CLDN14: variants seen among roughly 807,000 people sequenced by gnomAD.
CLDN14 encodes the protein claudin 14, also known as claudin-14.
A neutral mutation model predicts 2.1 loss-of-function variants in CLDN14; 2 were observed. That is an observed-to-expected ratio of 0.96 (90% confidence interval 0.39 to 3.01). CLDN14 has a LOEUF of 3.01. CLDN14 is among the 30% of genes most tolerant of loss of function. The probability of loss-of-function intolerance (pLI) is 0.09; values close to 1 mark genes in which losing one functional copy is unlikely to be tolerated. For missense variants in CLDN14, 298 were observed against 328.0 expected (o/e 0.91, Z 0.71); for synonymous variants, 136 against 154.4 (o/e 0.88, Z 0.88).
At chr21:36,525,108 A>G (rs2087313722) in intron 1 of CLDN14, among the ~76,000 whole-genome samples, 1 of 152,218 alleles carries the variant, frequency 6.6e-6, no homozygotes, top group Non-Finnish European at 1.5e-5. Flanking sequence ...CACCTCAGCA[A>G]GCATGGCCAA....
At chr21:36,485,183 C>T (rs2086882745) in intron 2 of CLDN14, among the ~76,000 whole-genome samples, 1 of 151,342 alleles carries the variant, frequency 6.6e-6, no homozygotes, top group Non-Finnish European at 1.5e-5. Flanking sequence ...GCCACTATTT[C>T]TATGACTTGG....
rs1239976182 is a variant in CLDN14 at position 36,551,716 on chromosome 21, CT to C, written c.-220+24694del. Among the ~76,000 whole-genome samples, 2 of 152,128 alleles carry C rather than the reference CT, an allele frequency of 1.3e-5. No homozygotes were observed. Among genetic ancestry groups the C allele is most frequent in the Non-Finnish European group, 2.9e-5 (2 of 68,006 alleles). ...AAGTGCCATCTCTAGGTTAGCTGTG[CT>C]GTAGGATCACAGCAGGGGGACAAAT... On this transcript the variant is annotated intron_variant, in intron 1 of 2. Coordinates refer to the CLDN14 transcript ENST00000342108. The surrounding 1 kb of genome is among the most constrained non-coding windows in gnomAD (Gnocchi z 4.8).
At chr21:36,531,052 G>A (rs1336312396) in intron 1 of CLDN14, among the ~76,000 whole-genome samples, 2 of 151,958 alleles carry the variant, frequency 1.3e-5, no homozygotes, top group South Asian at 2.1e-4. Context: ...CCAACATGGT[G>A]AAACCCTGTC....
rs365416 is a variant in CLDN14, at chr21:36,551,143, T to G, written c.-220+25268A>C. Reference sequence around the variant, plus strand: ...GGAGCCTCCAGAAGGAACCAGCCCTTCCTACCCCGCAATTTCGGACTTCCT... The same window carrying G: ...GGAGCCTCCAGAAGGAACCAGCCCTGCCTACCCCGCAATTTCGGACTTCCT... On this transcript the variant is annotated intron_variant, in intron 1 of 2. Transcript: ENST00000342108. The surrounding 1 kb of genome is among the most constrained non-coding windows in gnomAD (Gnocchi z 4.8). 0.74 allele frequency among the ~76,000 whole-genome samples: 112,403 copies of G among 152,156 alleles called. 42,927 individuals carry two copies. The highest frequency in any genetic ancestry group is 0.85 in the Non-Finnish European group (57,980 of 68,002).
intron 1 of CLDN14, among the ~76,000 whole-genome samples, chr21:36,532,839 C>T (rs1031105651): frequency 6.6e-6 from 1 of 152,140 alleles, no homozygotes; most frequent in Admixed American, 6.5e-5. Flanking sequence ...CCTGACCCCC[C>T]ATCCCTTTAA....
chr21:36,483,555 C>T (rs1426604958), upstream of CLDN14, among the ~76,000 whole-genome samples: 5 of 152,192 alleles, frequency 3.3e-5, no homozygotes. Flanking sequence ...AGGAACCATG[C>T]GGTGAAGGAA....
rs1568838064 is a variant in CLDN14, at chr21:36,461,018, G to A, written c.678C>T (p.Thr226=). 3 of 1,613,408 alleles carry A rather than the reference G, an allele frequency of 1.9e-6. No individual in the cohort carries two copies. The highest frequency in any genetic ancestry group is 2.5e-6 in the Non-Finnish European group (3 of 1,179,988). The change falls in exon 2 of 2, where the codon ACC becomes ACT. Residue 226 remains threonine, a synonymous_variant. Transcript: ENST00000399135. ...GCCTGTACCCGCTGTGCGTGGCCGA[G>A]GTCACTGAGGGGGCCCGATTGTCTT... ...AYKDNRAPSV[T]SATHSGYRLN... is the part of the protein sequence containing the mutation.
chr21:36,572,290 G>A (rs893773316), intron 1 of CLDN14, among the ~76,000 whole-genome samples: 2 of 151,972 alleles, frequency 1.3e-5, no homozygotes, highest in African/African-American at 4.8e-5. Flanking sequence ...TGTGAACTGC[G>A]CGTGCTCCCC....
At chr21:36,510,679 A>G (rs1161684091) in intron 1 of CLDN14, among the ~76,000 whole-genome samples, 5 of 152,256 alleles carry the variant, frequency 3.3e-5, no homozygotes, top group Non-Finnish European at 7.3e-5. Context: ...TTTAATTACC[A>G]GTTAAAACAA....
In CLDN14 at chr21:36,461,366, G is replaced by A. The variant is rs2146410948; in HGVS notation, c.330C>T (p.Gly110=). Residue 110 remains glycine, a synonymous_variant, in exon 2 of 2, where the codon GGC becomes GGT. Transcript: ENST00000399135. ...TGGCAAAGGTGGTCTTGGCGGGTGT[G>A]CCCTTGGCGCAGCGCGTGCACTTCA... The part of the protein sequence containing the change: ...IGMKCTRCAK[G]TPAKTTFAIL... 1 of 1,613,036 alleles carries A rather than the reference G, an allele frequency of 6.2e-7. No individual in the cohort carries two copies. Among genetic ancestry groups the A allele is most frequent in the East Asian group, 2.2e-5 (1 of 44,876 alleles).
At chr21:36,465,402 G>C (rs989973626) in intron 1 of CLDN14, among the ~76,000 whole-genome samples, 1 of 152,196 alleles carries the variant, frequency 6.6e-6, no homozygotes, top group Non-Finnish European at 1.5e-5. Context: ...ATTTTTAAAC[G>C]TGTGCTATAA....
intron 2 of CLDN14, among the ~76,000 whole-genome samples, chr21:36,505,632 C>T (rs2087125981): frequency 1.3e-5 from 2 of 152,196 alleles, no homozygotes; most frequent in Non-Finnish European, 2.9e-5. Flanking sequence ...TTGCCACTCC[C>T]AGCAGTTCGC....
chr21:36,571,237 G>A (rs1288911664), intron 1 of CLDN14, among the ~76,000 whole-genome samples: 1 of 152,214 alleles, frequency 6.6e-6, no homozygotes, highest in Non-Finnish European at 1.5e-5. Context: ...AGAAACAACT[G>A]AAGTTGGAAA....
rs1171954933 is a variant in CLDN14 at position 36,548,057 on chromosome 21, T to A, written c.-220+28354A>T. Reference sequence around the variant, plus strand: ...GCCTCTCAACTCTGGCTCCCGGGCTTTTTGTCAGTCCCTTGGATTCACTGC... The same window carrying A: ...GCCTCTCAACTCTGGCTCCCGGGCTATTTGTCAGTCCCTTGGATTCACTGC... On this transcript the variant is annotated intron_variant, in intron 1 of 2. Transcript: ENST00000342108. Among the ~76,000 whole-genome samples the A allele has an allele frequency of 2.6e-5, 4 of 152,000 alleles. No homozygotes were observed. In the East Asian group the frequency reaches 5.8e-4, roughly 22 times the overall value.
At chr21:36,549,745 A>C (rs2087550750) in intron 1 of CLDN14, among the ~76,000 whole-genome samples, 1 of 152,172 alleles carries the variant, frequency 6.6e-6, no homozygotes, top group South Asian at 2.1e-4. Flanking sequence ...ACAAGGGTGG[A>C]CATCGGTGAA....
intron 1 of CLDN14, among the ~76,000 whole-genome samples, chr21:36,474,317 G>A (rs2086747386): frequency 6.6e-6 from 1 of 152,150 alleles, no homozygotes; most frequent in African/African-American, 2.4e-5. Context: ...ATGATATTTT[G>A]CATCGCATTA....
intron 1 of CLDN14, among the ~76,000 whole-genome samples, chr21:36,462,033 A>C (rs1406452776): frequency 6.6e-6 from 1 of 152,148 alleles, no homozygotes; most frequent in African/African-American, 2.4e-5. Flanking sequence ...AGTTCTGCTT[A>C]TGTCCACCCT....
Position 36,460,770 on chromosome 21 carries a change from TTC to T in CLDN14, c.*204_*205del. The stretch of plus-strand genomic sequence containing the variant: ...TACAAAAACAGACAGGATTTTTTTT[TTC>T]AGTCTTTGGTATAGAGAGCTTTCTC... On this transcript the variant is annotated 3_prime_UTR_variant, in exon 2 of 2. Coordinates refer to ENST00000399135, the MANE Select transcript of CLDN14 (RefSeq NM_001146079.2). This position sits in a 1 kb window ranked among gnomAD's most constrained non-coding sequence, Gnocchi z 4.0. 1.7e-6 allele frequency: 1 copy of T among 572,682 alleles called. No individual in the cohort carries two copies. Among genetic ancestry groups the T allele is most frequent in the Non-Finnish European group, 3.0e-6 (1 of 328,220 alleles). The allele number at this position is 572,682 out of a possible 1,614,324, so 35.5% of individuals were successfully genotyped here.
Position 36,489,117 on chromosome 21 carries a change from G to GAAAAAA in CLDN14, c.-82+21240_-82+21245dup, listed in dbSNP as rs869298653. ...AGAGTGAGTGAGAGTCTGTCTCAAAGAAAAAAAAAAAAAAATATATATATA... is the reference window on the plus strand; with the variant it reads ...AGAGTGAGTGAGAGTCTGTCTCAAAGAAAAAAAAAAAAAAAAAAAAATATATATATA... On this transcript the variant is annotated intron_variant, in intron 2 of 2. Coordinates refer to the CLDN14 transcript ENST00000342108. Among the ~76,000 whole-genome samples, 305 of 56,860 alleles carry GAAAAAA rather than the reference G, an allele frequency of 5.4e-3. 1 individual carries two copies. Among genetic ancestry groups the GAAAAAA allele is most frequent in the African/African-American group, 7.2e-3 (93 of 12,888 alleles). The allele number at this position is 56,860 out of a possible 152,430, so 37.3% of individuals were successfully genotyped here. A position where few individuals can be genotyped will look rare whatever the true frequency, so the allele number is the denominator to read the frequency against.
Sources: gnomAD v4.1 joint callset for allele counts (sites outside exome capture counted in the v4.1 genomes callset) on GRCh38, gnomAD v4.1.1 for gene constraint, Gnocchi (gnomAD v3.1) non-coding constraint, MANE v1.5 for transcripts, NCBI Gene and HGNC (gene_info 2026-07-23, HGNC 2026-07-21) for gene names.